PDIA5: variants seen among roughly 807,000 people sequenced by gnomAD.
The protein encoded by PDIA5 is protein disulfide isomerase family A member 5, also known as protein disulfide-isomerase A5.
Under a neutral mutation model 77.6 loss-of-function variants are expected in PDIA5, and 58 were observed. The ratio of observed to expected loss-of-function variants is 0.75; its 90% CI spans 0.61 to 0.93. The LOEUF is 0.93. Ranked by LOEUF, PDIA5 falls within the 40% of genes least tolerant of loss-of-function variation. The pLI is 0.00. For missense variants in PDIA5, 630 were observed against 647.7 expected, an observed-to-expected ratio of 0.97 and a Z score of 0.30; for synonymous variants, 250 against 252.1, an observed-to-expected ratio of 0.99 and a Z score of 0.08.
chr3:123,126,280 C>T (rs574539196), intron 10 of PDIA5, among the ~76,000 whole-genome samples: 1 of 151,918 alleles, frequency 6.6e-6, no homozygotes, highest in South Asian at 2.1e-4. Context: ...CTGGCCTGCA[C>T]CCCACAGCTG....
chr3:123,161,887 G>GA lies in PDIA5; in HGVS notation c.1488dup (p.Phe497IlefsTer14). ...TCTCCCACTTCCCTGCAGGAATTGG[G>GA]ATTTACCAATTATATTCGAGCCCTC... On this transcript the variant is annotated frameshift_variant, in exon 17 of 17. Coordinates refer to ENST00000316218, the MANE Select transcript of PDIA5 (RefSeq NM_006810.4). LOFTEE classifies it high-confidence loss of function. 1 of 1,586,090 alleles carries GA rather than the reference G, an allele frequency of 6.3e-7. No homozygotes were observed. The highest frequency in any genetic ancestry group is 8.7e-7 in the Non-Finnish European group (1 of 1,154,910).
chr3:123,161,662 C>A, intron 16 of PDIA5: 1 of 658,696 alleles, frequency 1.5e-6, no homozygotes, highest in South Asian at 1.9e-5. Flanking sequence ...TGTCCTGTCC[C>A]CAGAGGCAGG....
chr3:123,117,190 A>G (rs2107948942), intron 8 of PDIA5, among the ~76,000 whole-genome samples: 1 of 151,748 alleles, frequency 6.6e-6, no homozygotes, highest in East Asian at 1.9e-4. Context: ...TACATTGACT[A>G]TCTTAGCCAT....
intron 11 of PDIA5, among the ~76,000 whole-genome samples, chr3:123,142,343 G>A (rs1027190089): frequency 6.6e-6 from 1 of 152,236 alleles, no homozygotes; most frequent in African/African-American, 2.4e-5. Context: ...TAATCGGTGT[G>A]TAAAATTGTT....
At position 123,161,364 on chromosome 3, in the gene PDIA5, A is replaced by T; in HGVS notation, c.1388A>T (p.Asp463Val). The change falls in exon 16 of 17, where the codon GAC becomes GTC. Residue 463 changes from aspartate to valine, a missense_variant. Transcript: ENST00000316218. ...AVDCVKDKNQ[D>V]LCQQEAVKGY... is the part of the protein sequence containing the mutation. ...GACTGTGTCAAAGACAAGAACCAAG[A>T]CCTGTGCCAGCAGGAGGCGGTCAAG... The T allele has an allele frequency of 1.9e-6, 3 of 1,614,098 alleles. No individual in the cohort carries two copies. The highest frequency in any genetic ancestry group is 2.5e-6 in the Non-Finnish European group (3 of 1,179,992).
intron 10 of PDIA5, among the ~76,000 whole-genome samples, chr3:123,126,329 C>T (rs1186446190): frequency 3.9e-5 from 6 of 152,158 alleles, no homozygotes; most frequent in African/African-American, 1.4e-4. Context: ...TCCCCACTTC[C>T]TACTTCCCCC....
intron 11 of PDIA5, 31 bp from the exon 12 acceptor site, chr3:123,145,491 A>G (rs1576462914): frequency 1.3e-6 from 2 of 1,594,116 alleles, no homozygotes; most frequent in Non-Finnish European, 1.7e-6. Flanking sequence ...TCTGTGCCAT[A>G]AGAATGGTTT....
intron 11 of PDIA5, among the ~76,000 whole-genome samples, chr3:123,143,373 C>T (rs917658845): frequency 1.8e-4 from 23 of 129,072 alleles, no homozygotes; most frequent in Non-Finnish European, 9.4e-5. Context: ...GGTGACAGAG[C>T]GAGACTCCAT....
intron 3 of PDIA5, among the ~76,000 whole-genome samples, chr3:123,096,470 T>C (rs1934443781): frequency 6.6e-6 from 1 of 152,176 alleles, no homozygotes; most frequent in African/African-American, 2.4e-5. Flanking sequence ...ATTACAGGCA[T>C]GCGCCACCGT....
intron 11 of PDIA5, among the ~76,000 whole-genome samples, chr3:123,139,908 C>G (rs942120054): frequency 6.6e-6 from 1 of 152,150 alleles, no homozygotes; most frequent in Non-Finnish European, 1.5e-5. Flanking sequence ...TACAGAGCCT[C>G]CATTCCAGTT....
rs1935541410 is a variant in PDIA5, at chr3:123,137,991, G to A, written c.910+7375G>A. 3.3e-5 allele frequency among the ~76,000 whole-genome samples: 5 copies of A among 152,164 alleles called. No homozygotes were observed. In the South Asian group the frequency reaches 6.2e-4, roughly 19 times the overall value. On this transcript the variant is annotated intron_variant, in intron 11 of 16. Coordinates refer to ENST00000316218, the MANE Select transcript of PDIA5 (RefSeq NM_006810.4). ...GACAGGGTCTCACTCTGTCACCCAGGCTGGAATGCAGTGGCATAATCATAG... is the reference window on the plus strand; with the variant it reads ...GACAGGGTCTCACTCTGTCACCCAGACTGGAATGCAGTGGCATAATCATAG...
chr3:123,138,898 G>A (rs976429539), intron 11 of PDIA5, among the ~76,000 whole-genome samples: 1 of 152,170 alleles, frequency 6.6e-6, no homozygotes, highest in African/African-American at 2.4e-5. Context: ...GAGCTTTACA[G>A]ATTAATCTGG....
intron 3 of PDIA5, among the ~76,000 whole-genome samples, chr3:123,100,955 G>C (rs1304616379): frequency 6.6e-6 from 1 of 152,238 alleles, no homozygotes; most frequent in Non-Finnish European, 1.5e-5. Flanking sequence ...CAGTTGTGTA[G>C]TCAGTGGTGA....
At chr3:123,072,024 C>T (rs1024614024) in intron 1 of PDIA5, among the ~76,000 whole-genome samples, 1 of 143,672 alleles carries the variant, frequency 7.0e-6, no homozygotes, top group East Asian at 2.1e-4. Flanking sequence ...AAATGCCTGG[C>T]AAAGCTGTGG....
At chr3:123,092,153 G>T (rs139889948) in intron 2 of PDIA5, among the ~76,000 whole-genome samples, 2 of 152,216 alleles carry the variant, frequency 1.3e-5, no homozygotes, top group Non-Finnish European at 2.9e-5. Context: ...GGGATCAGGG[G>T]TTTCTGAGAA....
At chr3:123,086,085 A>G (rs1045635333) in intron 1 of PDIA5, among the ~76,000 whole-genome samples, 3 of 152,150 alleles carry the variant, frequency 2.0e-5, no homozygotes, top group Non-Finnish European at 4.4e-5. Context: ...TTCCTCCTGG[A>G]TGGGTTTACT....
rs1282823135 is a variant in PDIA5 at position 123,162,000 on chromosome 3, G to C, written c.*40G>C. 3 of 1,157,814 alleles carry C rather than the reference G, an allele frequency of 2.6e-6. No homozygotes were observed. The highest frequency in any genetic ancestry group is 3.9e-6 in the Non-Finnish European group (3 of 775,650). 71.7% of individuals were successfully genotyped at this position (1,157,814 alleles called of 1,614,324 possible). ...AAAGCTTTTCCATTACACTGTGAAT[G>C]ATACCTGTTTTGTTGTTTCTGAATT... is the stretch of plus-strand genomic sequence containing the variant. On this transcript the variant is annotated 3_prime_UTR_variant, in exon 17 of 17. Transcript: ENST00000316218.
At chr3:123,104,687 A>G (rs554381678) in intron 5 of PDIA5, among the ~76,000 whole-genome samples, 9 of 152,350 alleles carry the variant, frequency 5.9e-5, no homozygotes, top group African/African-American at 2.2e-4. Context: ...ATACTCCCCA[A>G]ATCCTTACTA....
chr3:123,121,262 T>G (rs957431574), intron 8 of PDIA5, among the ~76,000 whole-genome samples: 1 of 152,228 alleles, frequency 6.6e-6, no homozygotes, highest in Non-Finnish European at 1.5e-5. Context: ...CAAGCTCACA[T>G]GCAGCCCACG....
Sources: gnomAD v4.1 joint callset for allele counts (sites outside exome capture counted in the v4.1 genomes callset) on GRCh38, gnomAD v4.1.1 for gene constraint, MANE v1.5 for transcripts, NCBI Gene and HGNC (gene_info 2026-07-23, HGNC 2026-07-21) for gene names.